Variants in CNIH3 observed in about 807,000 individuals in gnomAD.
The protein encoded by CNIH3 is cornichon family AMPA receptor auxiliary protein 3, also known as protein cornichon homolog 3.
Under a neutral mutation model 24.1 loss-of-function variants are expected in CNIH3, and 14 were observed. The observed-to-expected ratio is 0.58, with a 90% CI of 0.38 to 0.91. CNIH3 has a LOEUF of 0.91. Ranked by LOEUF, CNIH3 falls within the 40% of genes least tolerant of loss-of-function variation. The pLI, the probability that CNIH3 is intolerant of heterozygous loss-of-function variation, is 0.00. For missense variants in CNIH3, 178 were observed against 196.8 expected (o/e 0.90, Z 0.57); for synonymous variants, 68 against 73.8 (o/e 0.92, Z 0.40).
intron 1 of CNIH3, among the ~76,000 whole-genome samples, chr1:224,455,161 A>G (rs556222007): frequency 2.0e-5 from 3 of 152,334 alleles, no homozygotes; most frequent in Non-Finnish European, 4.4e-5. Flanking sequence ...GTCGAATATT[A>G]TGTAATTGAA....
intron 3 of CNIH3, among the ~76,000 whole-genome samples, chr1:224,726,743 A>G (rs981457842): frequency 2.0e-5 from 3 of 152,134 alleles, no homozygotes; most frequent in Admixed American, 1.3e-4. Context: ...ATCCCACAAT[A>G]CTTATATTGA....
chr1:224,713,954 A>G (rs1218751705), intron 3 of CNIH3, among the ~76,000 whole-genome samples: 1 of 152,110 alleles, frequency 6.6e-6, no homozygotes, highest in Non-Finnish European at 1.5e-5. Flanking sequence ...AGCTGGGACT[A>G]CAGGCATGCA....
chr1:224,728,264 C>T (rs1238975463), intron 3 of CNIH3, among the ~76,000 whole-genome samples: 2 of 152,166 alleles, frequency 1.3e-5, no homozygotes, highest in Non-Finnish European at 2.9e-5. Flanking sequence ...GCTGGCGCAC[C>T]CAGCTCTGAG....
At chr1:224,729,740 C>T (rs564451148) in intron 3 of CNIH3, among the ~76,000 whole-genome samples, 1 of 152,110 alleles carries the variant, frequency 6.6e-6, no homozygotes, top group South Asian at 2.1e-4. Context: ...ATTTTAAGCT[C>T]CTTTTACCCA....
chr1:224,696,566 C>A (rs187969387), intron 3 of CNIH3, among the ~76,000 whole-genome samples: 1 of 152,080 alleles, frequency 6.6e-6, no homozygotes, highest in African/African-American at 2.4e-5. Flanking sequence ...AGGAGCAAGA[C>A]GAGGTGTCAC....
At chr1:224,660,143 C>T (rs577334891) in intron 1 of CNIH3, among the ~76,000 whole-genome samples, 1 of 152,262 alleles carries the variant, frequency 6.6e-6, no homozygotes, top group African/African-American at 2.4e-5. Context: ...AAAGACATAG[C>T]TGAGACTAGG....
intron 1 of CNIH3, among the ~76,000 whole-genome samples, chr1:224,510,636 C>T (rs1333383966): frequency 6.7e-6 from 1 of 149,926 alleles, no homozygotes; most frequent in African/African-American, 2.5e-5. Context: ...AAAGAAAGAA[C>T]TAGAACCATA....
intron 2 of CNIH3, among the ~76,000 whole-genome samples, chr1:224,544,868 A>G (rs1186406335): frequency 6.6e-6 from 1 of 152,240 alleles, no homozygotes; most frequent in Non-Finnish European, 1.5e-5. Context: ...ACTTTCCAGT[A>G]TCCTGCCACT....
intron 1 of CNIH3, among the ~76,000 whole-genome samples, chr1:224,454,750 G>T (rs978335581): frequency 6.6e-6 from 1 of 152,164 alleles, no homozygotes; most frequent in Non-Finnish European, 1.5e-5. Flanking sequence ...TGAAGAGACC[G>T]GAGATTTTCA....
intron 1 of CNIH3, among the ~76,000 whole-genome samples, chr1:224,446,306 T>C (rs893176962): frequency 6.7e-6 from 1 of 149,342 alleles, no homozygotes; most frequent in African/African-American, 2.5e-5. Context: ...CACAAAACAA[T>C]TTGTCAAATT....
intron 1 of CNIH3, among the ~76,000 whole-genome samples, chr1:224,627,045 G>T (rs576298101): frequency 2.0e-5 from 3 of 152,268 alleles, no homozygotes; most frequent in Admixed American, 2.0e-4. Flanking sequence ...TGAAGCAGGG[G>T]TGGATGGAGA....
chr1:224,452,492 A>G (rs1323942132), intron 1 of CNIH3, among the ~76,000 whole-genome samples: 1 of 151,976 alleles, frequency 6.6e-6, no homozygotes, highest in African/African-American at 2.4e-5. Context: ...TTTAAAAAGT[A>G]AAGTGTTGGC....
chr1:224,481,201 A>C (rs1392477184), intron 1 of CNIH3, among the ~76,000 whole-genome samples: 1 of 152,244 alleles, frequency 6.6e-6, no homozygotes, highest in Non-Finnish European at 1.5e-5. Flanking sequence ...TCATGAGAAC[A>C]GTATGGGAAA....
intron 1 of CNIH3, among the ~76,000 whole-genome samples, chr1:224,619,463 G>A (rs192146638): frequency 1.4e-4 from 21 of 152,246 alleles, no homozygotes; most frequent in Middle Eastern, 3.4e-3. Context: ...TTCAAATTAC[G>A]GTAATAATTT....
chr1:224,602,351 G>A (rs927418436), intron 3 of CNIH3, among the ~76,000 whole-genome samples: 1 of 152,002 alleles, frequency 6.6e-6, no homozygotes, highest in African/African-American at 2.4e-5. Context: ...ACATTTCAAA[G>A]GTTACTTCTA....
At chr1:224,489,644 G>A (rs1243219023) in intron 1 of CNIH3, among the ~76,000 whole-genome samples, 2 of 152,188 alleles carry the variant, frequency 1.3e-5, no homozygotes, top group East Asian at 3.8e-4. Flanking sequence ...GAGAACATTG[G>A]TCTGATAGGA....
At chr1:224,558,305 G>C (rs1352207830) in intron 3 of CNIH3, among the ~76,000 whole-genome samples, 1 of 152,144 alleles carries the variant, frequency 6.6e-6, no homozygotes, top group Non-Finnish European at 1.5e-5. Context: ...AAGAGGACTA[G>C]AGCAAAATTT....
At chr1:224,621,393 A>G (rs1683271313) in intron 1 of CNIH3, among the ~76,000 whole-genome samples, 1 of 152,196 alleles carries the variant, frequency 6.6e-6, no homozygotes, top group South Asian at 2.1e-4. Context: ...AAATGGGTTT[A>G]TGTGAAATGG....
Position 224,616,658 on chromosome 1 carries a change from C to G in CNIH3, c.-517C>G. 1 of 988,196 alleles carries G rather than the reference C, an allele frequency of 1.0e-6. No individual in the cohort carries two copies. Among genetic ancestry groups the G allele is most frequent in the Non-Finnish European group, 1.2e-6 (1 of 831,968 alleles). The allele number at this position is 988,196 out of a possible 1,614,324, so 61.2% of individuals were successfully genotyped here. ...GCCCGGCTCTGGGATTTGGGAGGAG[C>G]TCGGAGGCCGCTCGGGCACCTCGCT... On this transcript the variant is annotated 5_prime_UTR_variant, in exon 1 of 6. Transcript: ENST00000272133.
Sources: allele counts gnomAD v4.1 joint callset (sites outside exome capture counted in the v4.1 genomes callset), GRCh38; gene constraint gnomAD v4.1.1; transcripts MANE v1.5; gene names NCBI Gene and HGNC (gene_info 2026-07-23, HGNC 2026-07-21).